ME1: variants seen among roughly 807,000 people sequenced by gnomAD.
ME1 encodes the protein NADP-dependent malic enzyme.
In ME1, 74 loss-of-function variants were observed where a neutral mutation model predicts 66.4. The observed-to-expected ratio is 1.11, with a 90% CI of 0.92 to 1.35. The LOEUF (loss-of-function observed/expected upper bound fraction) is 1.35, where lower values mean the gene tolerates loss of function less well. ME1 is among the 40% of genes most tolerant of loss of function. The pLI, the probability that ME1 is intolerant of heterozygous loss-of-function variation, is 0.00. For synonymous variants in ME1, 251 were observed against 235.6 expected, an observed-to-expected ratio of 1.07 and a Z score of -0.60; for missense variants, 750 against 694.1, an observed-to-expected ratio of 1.08 and a Z score of -0.90.
rs189951842 is a variant in ME1, at chr6:83,347,190, G to A, written c.439-856C>T. On this transcript the variant is annotated intron_variant, in intron 4 of 13. Coordinates refer to ENST00000369705, the MANE Select transcript of ME1 (RefSeq NM_002395.6). ...GCTGGTATCAAACTCCTGACCTCGT[G>A]ATCCACCCGTCTCAGCCTTCCAAAG... 1.2e-3 allele frequency among the ~76,000 whole-genome samples: 179 copies of A among 152,226 alleles called. 1 individual carries two copies. Among genetic ancestry groups the A allele is most frequent in the Admixed American group, 4.3e-3 (66 of 15,268 alleles).
intron 9 of ME1, among the ~76,000 whole-genome samples, chr6:83,235,501 C>T (rs7749277): frequency 0.057 from 7,683 of 135,486 alleles, 674 homozygotes; most frequent in African/African-American, 0.2. Flanking sequence ...GATGGAGTCT[C>T]GCTCTGTCAC....
At chr6:83,391,623 T>G (rs1769621940) in intron 3 of ME1, among the ~76,000 whole-genome samples, 1 of 151,992 alleles carries the variant, frequency 6.6e-6, no homozygotes, top group Non-Finnish European at 1.5e-5. Flanking sequence ...AAAGCCAATG[T>G]TCTTCCAAAC....
chr6:83,339,991 A>AAG (rs1562484783), intron 5 of ME1, among the ~76,000 whole-genome samples: 7 of 147,930 alleles, frequency 4.7e-5, no homozygotes, highest in Admixed American at 2.0e-4. Context: ...AGAAAAGAAA[A>AAG]GAAATGTGAA....
intron 6 of ME1, among the ~76,000 whole-genome samples, chr6:83,271,030 A>G (rs1402285069): frequency 6.6e-6 from 1 of 151,992 alleles, no homozygotes; most frequent in East Asian, 1.9e-4. Flanking sequence ...AGTAAAAAAA[A>G]AAAAAAAATC....
intron 1 of ME1, among the ~76,000 whole-genome samples, chr6:83,418,890 C>A (rs965133569): frequency 2.6e-5 from 4 of 151,032 alleles, no homozygotes; most frequent in African/African-American, 9.9e-5. Flanking sequence ...TGTCAAAATG[C>A]AATCTGAAGG....
chr6:83,239,619 C>T lies in ME1; in HGVS notation c.832G>A (p.Val278Ile). 1 of 1,612,604 alleles carries T rather than the reference C, an allele frequency of 6.2e-7. No individual in the cohort carries two copies. Among genetic ancestry groups the T allele is most frequent in the Non-Finnish European group, 8.5e-7 (1 of 1,178,720 alleles). The change falls in exon 8 of 14, where the codon GTT (valine) becomes ATT (isoleucine). Residue 278 changes from valine (V) to isoleucine (I), a missense_variant. Transcript: ENST00000369705. Reference sequence around the variant, plus strand: ...CGAAGAGCTGCAAGGAGACCTGCAACTGCAACAGATGCTGTTCCTGAAACA... The same window carrying T: ...CGAAGAGCTGCAAGGAGACCTGCAATTGCAACAGATGCTGTTCCTGAAACA... ...DDIQGTASVA[V>I]AGLLAALRIT...
At chr6:83,413,431 T>G (rs1322466775) in intron 1 of ME1, among the ~76,000 whole-genome samples, 1 of 152,142 alleles carries the variant, frequency 6.6e-6, no homozygotes, top group African/African-American at 2.4e-5. Context: ...ATGAATTATA[T>G]ATATTTTATT....
intron 5 of ME1, among the ~76,000 whole-genome samples, chr6:83,342,605 G>T (rs756643859): frequency 6.6e-6 from 1 of 152,136 alleles, no homozygotes; most frequent in Non-Finnish European, 1.5e-5. Context: ...TTTTTATAGG[G>T]TACACGTGAT....
rs193091204 is a variant in ME1, at chr6:83,308,373, A to C, written c.704+6937T>G. ...TACTTGAGGTAAAGCTTTTGTTCTC[A>C]TTTAGTTAATAATCATTAATGAAAT... On this transcript the variant is annotated intron_variant, in intron 6 of 13. Transcript: ENST00000369705. Among the ~76,000 whole-genome samples, 142 of 151,976 alleles carry C rather than the reference A, an allele frequency of 9.3e-4. 1 individual carries two copies. Among genetic ancestry groups the C allele is most frequent in the Non-Finnish European group, 1.4e-3 (92 of 67,954 alleles).
intron 9 of ME1, among the ~76,000 whole-genome samples, chr6:83,230,135 T>G (rs71568870): frequency 0.012 from 1,824 of 151,806 alleles, 16 homozygotes; most frequent in South Asian, 0.029. Context: ...TCTGTTTTTT[T>G]TTGTTGTTGT....
intron 2 of ME1, among the ~76,000 whole-genome samples, chr6:83,404,725 G>A (rs765404474): frequency 6.6e-6 from 1 of 152,210 alleles, no homozygotes; most frequent in Non-Finnish European, 1.5e-5. Context: ...TTCTGCATAT[G>A]ACTAGCCAGT....
intron 9 of ME1, among the ~76,000 whole-genome samples, chr6:83,237,030 A>C (rs2128525282): frequency 1.8e-5 from 2 of 114,242 alleles, no homozygotes; most frequent in South Asian, 4.8e-4. Context: ...TGAAAGCTGT[A>C]CAGTTTTTTT....
At chr6:83,275,464 CTT>C (rs767009219) in intron 6 of ME1, among the ~76,000 whole-genome samples, 43 of 119,698 alleles carry the variant, frequency 3.6e-4, no homozygotes, top group African/African-American at 6.7e-4. Context: ...TAGTTTTGAT[CTT>C]TTTTTTTTTT....
intron 5 of ME1, among the ~76,000 whole-genome samples, chr6:83,321,547 G>A (rs1304409051): frequency 2.0e-5 from 3 of 152,058 alleles, no homozygotes; most frequent in African/African-American, 7.2e-5. Context: ...AGTTTGGACT[G>A]GGTGAAGCCC....
At chr6:83,219,942 C>T (rs1045544570) in intron 12 of ME1, among the ~76,000 whole-genome samples, 1 of 152,030 alleles carries the variant, frequency 6.6e-6, no homozygotes, top group Admixed American at 6.6e-5. Context: ...CAAATGGAAG[C>T]AAAATAGCTT....
intron 6 of ME1, among the ~76,000 whole-genome samples, chr6:83,291,165 A>G (rs915630178): frequency 2.0e-5 from 3 of 152,106 alleles, no homozygotes; most frequent in African/African-American, 7.2e-5. Context: ...TGTCATTTTG[A>G]TGTTAGCTGG....
chr6:83,306,834 T>A (rs188295834), intron 6 of ME1, among the ~76,000 whole-genome samples: 2 of 152,190 alleles, frequency 1.3e-5, no homozygotes, highest in East Asian at 1.9e-4. Context: ...TATATTCTAG[T>A]AAGGAAAATA....
At chr6:83,429,190 G>T (rs775656181) in intron 1 of ME1, among the ~76,000 whole-genome samples, 4 of 152,194 alleles carry the variant, frequency 2.6e-5, no homozygotes, top group Non-Finnish European at 5.9e-5. Context: ...GTGAACCCAG[G>T]AGGTGGAGCT....
rs1769895175 is a variant in ME1 at position 83,404,370 on chromosome 6, GT to G, written c.212+3397del. 8.0e-5 allele frequency among the ~76,000 whole-genome samples: 12 copies of G among 150,520 alleles called. No individual in the cohort carries two copies. The South Asian group carries it at 2.7e-3, about 34-fold the overall frequency. On this transcript the variant is annotated intron_variant, in intron 2 of 13. Transcript: ENST00000369705. ...GGAGTTGTTTTTTTCTTGTAAATTTGTTTAAGTTCTTTGTAGATTCTGGATA... is the reference window on the plus strand; with the variant it reads ...GGAGTTGTTTTTTTCTTGTAAATTTGTTAAGTTCTTTGTAGATTCTGGATA...
Sources: allele counts gnomAD v4.1 joint callset (sites outside exome capture counted in the v4.1 genomes callset), GRCh38; gene constraint gnomAD v4.1.1; transcripts MANE v1.5; gene names NCBI Gene and HGNC (gene_info 2026-07-23, HGNC 2026-07-21).